VAPB: variants seen among roughly 807,000 people sequenced by gnomAD.
VAPB encodes VAMP associated protein B and C.
A neutral mutation model predicts 25.6 loss-of-function variants in VAPB; 7 were observed. The observed-to-expected ratio is 0.27, with a 90% CI of 0.16 to 0.51. The LOEUF is 0.51. Among genes scored for constraint, VAPB ranks in the 20% least tolerant of loss-of-function variants. The probability of loss-of-function intolerance (pLI) is 0.97; values close to 1 mark genes in which losing one functional copy is unlikely to be tolerated. For synonymous variants in VAPB, 112 were observed against 109.2 expected, an observed-to-expected ratio of 1.03 and a Z score of -0.16; for missense variants, 266 against 301.3, an observed-to-expected ratio of 0.88 and a Z score of 0.87.
At chr20:58,428,980 G>A (rs371467747) in intron 2 of VAPB, among the ~76,000 whole-genome samples, 1 of 152,174 alleles carries the variant, frequency 6.6e-6, no homozygotes, top group African/African-American at 2.4e-5. Context: ...AGGAGAGCTG[G>A]TGATGAAAAA....
Position 58,417,158 on chromosome 20 carries a change from G to A in VAPB, c.59-1053G>A, listed in dbSNP as rs1285498544. On this transcript the variant is annotated intron_variant, in intron 1 of 5. Coordinates refer to ENST00000475243, the MANE Select transcript of VAPB (RefSeq NM_004738.5). ...TTACAGGTGAAAAATATGTAAATTT[G>A]AAAAGGTGTTGAAAAAGACCTAAGT... is the stretch of plus-strand genomic sequence containing the variant. 8.5e-5 allele frequency among the ~76,000 whole-genome samples: 13 copies of A among 152,198 alleles called. 1 individual carries two copies. Among genetic ancestry groups the A allele is most frequent in the Admixed American group, 8.5e-4 (13 of 15,282 alleles).
rs143526876 is a variant in VAPB at position 58,407,157 on chromosome 20, T to C, written c.59-11054T>C. On this transcript the variant is annotated intron_variant, in intron 1 of 5. Coordinates refer to ENST00000475243, the MANE Select transcript of VAPB (RefSeq NM_004738.5). ...CTCTTATATACTCCTTTTAGCCATT[T>C]TTCTATTACGAAAAAAAATCTAGTG... is the stretch of plus-strand genomic sequence containing the variant. 2.6e-3 allele frequency among the ~76,000 whole-genome samples: 393 copies of C among 152,342 alleles called. 2 individuals are homozygous for C. Among genetic ancestry groups the C allele is most frequent in the African/African-American group, 9.1e-3 (380 of 41,588 alleles).
rs191029480 is a variant in VAPB, at chr20:58,443,219, T to C, written c.574-858T>C. ...ATCTTTATATGTATGAAAAAGAATG[T>C]TGCTTCTTCAATGAGAAATCTATGC... On this transcript the variant is annotated intron_variant, in intron 5 of 5. Transcript: ENST00000475243. Among the ~76,000 whole-genome samples the C allele has an allele frequency of 1.8e-4, 28 of 152,298 alleles. 1 individual carries two copies. In the East Asian group the frequency reaches 5.0e-3, roughly 27 times the overall value.
At chr20:58,438,735 G>A (rs1989098122) in intron 3 of VAPB, among the ~76,000 whole-genome samples, 1 of 152,118 alleles carries the variant, frequency 6.6e-6, no homozygotes, top group South Asian at 2.1e-4. Flanking sequence ...AAGACTTCAG[G>A]GTTTATGAAG....
intron 1 of VAPB, among the ~76,000 whole-genome samples, chr20:58,401,982 C>A (rs976892420): frequency 2.6e-5 from 4 of 152,234 alleles, no homozygotes; most frequent in Admixed American, 6.5e-5. Context: ...TTTTCTCCCG[C>A]AACTGTAATA....
chr20:58,439,160 G>A, intron 4 of VAPB, 135 bp downstream of exon 4: 3 of 819,488 alleles, frequency 3.7e-6, no homozygotes, highest in Non-Finnish European at 3.9e-6. Flanking sequence ...AAAATAAGCT[G>A]AAGTCAGCAA....
At position 58,449,848 on chromosome 20, in the gene VAPB, G is replaced by A. The variant is rs1312469415; in HGVS notation, c.*5613G>A. ...GCATTCTGATGAGCTGCAGGAGTGC[G>A]CCTGGCCTTCTGCAGGTGGAGCTGC... is the stretch of plus-strand genomic sequence containing the variant. On this transcript the variant is annotated 3_prime_UTR_variant, in exon 6 of 6. Transcript: ENST00000475243. 8.8e-6 allele frequency: 4 copies of A among 454,076 alleles called. No homozygotes were observed. Among genetic ancestry groups the A allele is most frequent in the South Asian group, 1.6e-5 (1 of 64,480 alleles). The allele number at this position is 454,076 out of a possible 1,614,324, so 28.1% of individuals were successfully genotyped here. A position where few individuals can be genotyped will look rare whatever the true frequency, so the allele number is the denominator to read the frequency against.
intron 1 of VAPB, among the ~76,000 whole-genome samples, chr20:58,406,976 G>A (rs1225666449): frequency 1.3e-5 from 2 of 152,132 alleles, no homozygotes; most frequent in African/African-American, 4.8e-5. Context: ...ATTACTAGAT[G>A]TTCGTTAGTC....
intron 1 of VAPB, among the ~76,000 whole-genome samples, chr20:58,413,797 G>A (rs550176422): frequency 4.2e-4 from 62 of 147,490 alleles, no homozygotes; most frequent in Admixed American, 1.3e-3. Flanking sequence ...CCTCCCTCCC[G>A]GACGGGGCAG....
At chr20:58,413,698 C>A (rs1241058437) in intron 1 of VAPB, among the ~76,000 whole-genome samples, 1 of 151,884 alleles carries the variant, frequency 6.6e-6, no homozygotes, top group Non-Finnish European at 1.5e-5. Context: ...GGCAGAGGGG[C>A]TCCTCACTTC....
intron 1 of VAPB, among the ~76,000 whole-genome samples, chr20:58,400,877 C>A (rs1234867585): frequency 6.6e-6 from 1 of 152,230 alleles, no homozygotes; most frequent in Non-Finnish European, 1.5e-5. Flanking sequence ...TCCTGATGGA[C>A]TCCTCTGAAA....
chr20:58,413,945 G>T lies in VAPB; in HGVS notation c.59-4266G>T, dbSNP rs34809419. Among the ~76,000 whole-genome samples the T allele has an allele frequency of 3.3e-5, 2 of 61,410 alleles. 1 individual carries two copies. The highest frequency in any genetic ancestry group is 1.5e-4 in the African/African-American group (2 of 13,278). 40.3% of individuals were successfully genotyped at this position (61,410 alleles called of 152,430 possible). A position where few individuals can be genotyped will look rare whatever the true frequency, so the allele number is the denominator to read the frequency against. On this transcript the variant is annotated intron_variant, in intron 1 of 5. Coordinates refer to ENST00000475243, the MANE Select transcript of VAPB (RefSeq NM_004738.5). Reference sequence around the variant, plus strand: ...TCCCGGATGGGGCGGCTGGCCGGGTGGGGGGCTGACCTCCCCACCTCCCTC... The same window carrying T: ...TCCCGGATGGGGCGGCTGGCCGGGTTGGGGGCTGACCTCCCCACCTCCCTC...
intron 1 of VAPB, among the ~76,000 whole-genome samples, chr20:58,414,375 C>T (rs1200717443): frequency 1.3e-5 from 2 of 151,552 alleles, no homozygotes; most frequent in Non-Finnish European, 3.0e-5. Context: ...GGAGACGCCC[C>T]CCACCTCCCA....
Position 58,389,284 on chromosome 20 carries a change from C to T in VAPB, c.-176C>T, listed in dbSNP as rs1448631493. 2.7e-6 allele frequency: 2 copies of T among 731,412 alleles called. No individual in the cohort carries two copies. The highest frequency in any genetic ancestry group is 1.8e-5 in the African/African-American group (1 of 55,764). 45.3% of individuals were successfully genotyped at this position (731,412 alleles called of 1,614,324 possible). A position where few individuals can be genotyped will look rare whatever the true frequency, so the allele number is the denominator to read the frequency against. On this transcript the variant is annotated 5_prime_UTR_variant, in exon 1 of 6. Coordinates refer to ENST00000475243, the MANE Select transcript of VAPB (RefSeq NM_004738.5). The stretch of plus-strand genomic sequence containing the variant: ...CTCGCCCTCGCCCTCCGCCCCTGCG[C>T]CTGCACCGCGTAGACCGACCCCCCC...
In VAPB at chr20:58,444,029, C is replaced by T. The variant is rs1297429543; in HGVS notation, c.574-48C>T. The T allele has an allele frequency of 1.9e-6, 3 of 1,614,032 alleles. No homozygotes were observed. In the East Asian group the frequency reaches 6.7e-5, roughly 36 times the overall value. Reference sequence around the variant, plus strand: ...CCGTTAAGCTGTACAGTTGACTCCCCTTTCTGGTGCCTTGGCTTGTCTTTG... The same window carrying T: ...CCGTTAAGCTGTACAGTTGACTCCCTTTTCTGGTGCCTTGGCTTGTCTTTG... On this transcript the variant is annotated intron_variant, in intron 5 of 5. Coordinates refer to ENST00000475243, the MANE Select transcript of VAPB (RefSeq NM_004738.5).
At chr20:58,392,617 G>C (rs1189289956) in intron 1 of VAPB, among the ~76,000 whole-genome samples, 1 of 152,210 alleles carries the variant, frequency 6.6e-6, no homozygotes, top group African/African-American at 2.4e-5. Context: ...GTTTCTTCCA[G>C]GTTACTCAGG....
rs1294472780 is a variant in VAPB at position 58,444,493 on chromosome 20, A to G, written c.*258A>G. The G allele has an allele frequency of 1.6e-6, 1 of 611,030 alleles. No homozygotes were observed. Among genetic ancestry groups the G allele is most frequent in the African/African-American group, 1.8e-5 (1 of 55,220 alleles). 37.9% of individuals were successfully genotyped at this position (611,030 alleles called of 1,614,324 possible). On this transcript the variant is annotated 3_prime_UTR_variant, in exon 6 of 6. Coordinates refer to ENST00000475243, the MANE Select transcript of VAPB (RefSeq NM_004738.5). Reference sequence around the variant, plus strand: ...ATCTTTATTAATGACAAGGGAAACCATGAGTAATGCCACAATGGCATATTG... The same window carrying G: ...ATCTTTATTAATGACAAGGGAAACCGTGAGTAATGCCACAATGGCATATTG...
chr20:58,430,530 G>C (rs917521862), intron 2 of VAPB, among the ~76,000 whole-genome samples: 2 of 152,070 alleles, frequency 1.3e-5, no homozygotes, highest in African/African-American at 4.8e-5. Flanking sequence ...AAAGTTCTGG[G>C]ATTACAGCCA....
chr20:58,408,896 C>A (rs1363040789), intron 1 of VAPB, among the ~76,000 whole-genome samples: 1 of 130,796 alleles, frequency 7.6e-6, no homozygotes, highest in East Asian at 2.5e-4. Context: ...AGACACCCCC[C>A]CCCCCCACCC....
Sources: gnomAD v4.1 joint callset for allele counts (sites outside exome capture counted in the v4.1 genomes callset) on GRCh38, gnomAD v4.1.1 for gene constraint, MANE v1.5 for transcripts, NCBI Gene and HGNC (gene_info 2026-07-23, HGNC 2026-07-21) for gene names.